The following GPR149 variants were observed in gnomAD, a reference collection of about 807,000 sequenced individuals.
GPR149 encodes probable G protein-coupled receptor 149.
GPR149 carries 50 observed loss-of-function variants against 50.2 expected under a neutral mutation model. That is an observed-to-expected ratio of 1.00 (90% confidence interval 0.79 to 1.26). The LOEUF is 1.26. Among genes scored for constraint, GPR149 ranks in the 50% most tolerant of loss-of-function variants. The pLI is 0.00. For synonymous variants in GPR149, 405 were observed against 358.2 expected, an observed-to-expected ratio of 1.13 and a Z score of -1.48; for missense variants, 983 against 895.4, an observed-to-expected ratio of 1.10 and a Z score of -1.25.
chr3:154,357,728 G>A (rs1714274539), intron 3 of GPR149, among the ~76,000 whole-genome samples: 1 of 152,236 alleles, frequency 6.6e-6, no homozygotes, highest in Admixed American at 6.5e-5. Context: ...GGAAGTCAGT[G>A]TGGCAATGGC....
chr3:154,408,208 G>C (rs546832753), intron 3 of GPR149, among the ~76,000 whole-genome samples: 28 of 152,314 alleles, frequency 1.8e-4, no homozygotes, highest in Admixed American at 1.3e-3. Flanking sequence ...GCAGATAGGA[G>C]GCAGGACTAG....
intron 3 of GPR149, among the ~76,000 whole-genome samples, chr3:154,390,993 A>G (rs1177818684): frequency 6.6e-6 from 1 of 152,132 alleles, no homozygotes; most frequent in Non-Finnish European, 1.5e-5. Context: ...AAGGAGAGAT[A>G]AAGACTTTCC....
intron 3 of GPR149, among the ~76,000 whole-genome samples, chr3:154,396,976 G>A (rs751063604): frequency 1.3e-5 from 2 of 151,946 alleles, no homozygotes; most frequent in Non-Finnish European, 2.9e-5. Context: ...ATGACCTTGA[G>A]TTTAAAATGT....
chr3:154,418,442 T>A, intron 3 of GPR149, among the ~76,000 whole-genome samples: 1 of 102,818 alleles, frequency 9.7e-6, no homozygotes, highest in Non-Finnish European at 2.0e-5. Context: ...TAGACTGGAT[T>A]AAGAAAATGT....
chr3:154,414,340 T>C (rs1711925862), intron 3 of GPR149, among the ~76,000 whole-genome samples: 1 of 151,988 alleles, frequency 6.6e-6, no homozygotes, highest in Non-Finnish European at 1.5e-5. Context: ...TAAAATGTGT[T>C]TATGTGCATC....
chr3:154,353,587 G>A, intron 3 of GPR149: 1 of 1,129,180 alleles, frequency 8.9e-7, no homozygotes, highest in South Asian at 1.3e-5. Flanking sequence ...ATTTGGCTTT[G>A]ATATGGTATT....
rs1029311686 is a variant in GPR149 at position 154,430,177 on chromosome 3, G to C, written c.-562C>G. 2.0e-5 allele frequency among the ~76,000 whole-genome samples: 3 copies of C among 151,952 alleles called. No homozygotes were observed. Among genetic ancestry groups the C allele is most frequent in the African/African-American group, 7.2e-5 (3 of 41,384 alleles). On this transcript the variant is annotated 5_prime_UTR_variant, in exon 1 of 4. Transcript: ENST00000389740. ...AGAGAGGGCGAGCGCGAGCCAGTCA[G>C]AGGGAGCTTGTGCACAGAATCCCAT...
chr3:154,351,982 T>A (rs553411256), intron 3 of GPR149, among the ~76,000 whole-genome samples: 1 of 152,302 alleles, frequency 6.6e-6, no homozygotes, highest in South Asian at 2.1e-4. Context: ...TGTTTATAGC[T>A]ATTCTTGTGA....
chr3:154,351,334 A>T (rs971685204), intron 3 of GPR149, among the ~76,000 whole-genome samples: 12 of 148,166 alleles, frequency 8.1e-5, no homozygotes, highest in South Asian at 2.1e-4. Context: ...AAAAAAAAAA[A>T]AAAAAAAAAA....
chr3:154,368,866 A>C (rs1180218149), intron 3 of GPR149, among the ~76,000 whole-genome samples: 1 of 152,204 alleles, frequency 6.6e-6, no homozygotes, highest in Non-Finnish European at 1.5e-5. Flanking sequence ...CTTAGCATGC[A>C]AGCATCAGTG....
intron 3 of GPR149, among the ~76,000 whole-genome samples, chr3:154,409,814 A>T (rs1438238406): frequency 1.3e-5 from 2 of 152,208 alleles, no homozygotes; most frequent in Non-Finnish European, 2.9e-5. Flanking sequence ...ATTTGAGGGA[A>T]TAATCCAGGA....
At chr3:154,376,041 A>G (rs1331103603) in intron 3 of GPR149, among the ~76,000 whole-genome samples, 1 of 152,174 alleles carries the variant, frequency 6.6e-6, no homozygotes, top group Non-Finnish European at 1.5e-5. Flanking sequence ...CAGCTTCTTC[A>G]TCTTCTAAAT....
In GPR149 at chr3:154,385,746, G is replaced by C. The variant is rs201728472; in HGVS notation, c.1623+35293C>G. The stretch of plus-strand genomic sequence containing the variant: ...ATAAGGAGTCTTGCTCTGTCGCCCA[G>C]GCTGGAGTGCAGTGGCGCCATCTTG... On this transcript the variant is annotated intron_variant, in intron 3 of 3. Transcript: ENST00000389740. Among the ~76,000 whole-genome samples the C allele has an allele frequency of 5.7e-4, 86 of 150,716 alleles. 1 individual carries two copies. The East Asian group carries it at 0.016, about 28-fold the overall frequency.
At chr3:154,399,261 C>A (rs1715364889) in intron 3 of GPR149, among the ~76,000 whole-genome samples, 1 of 152,144 alleles carries the variant, frequency 6.6e-6, no homozygotes, top group Non-Finnish European at 1.5e-5. Context: ...AGAGCTTACA[C>A]CTGTAATGTG....
intron 2 of GPR149, among the ~76,000 whole-genome samples, chr3:154,426,173 A>G (rs1269155524): frequency 6.6e-6 from 1 of 152,196 alleles, no homozygotes; most frequent in East Asian, 1.9e-4. Context: ...ATCTTTAGAG[A>G]CACATCATTA....
chr3:154,384,671 C>G (rs931440959), intron 3 of GPR149, among the ~76,000 whole-genome samples: 1 of 152,220 alleles, frequency 6.6e-6, no homozygotes, highest in Non-Finnish European at 1.5e-5. Flanking sequence ...AGAGCCTGCT[C>G]ACTGTTACAC....
chr3:154,344,398 T>G (rs951559873), intron 3 of GPR149, among the ~76,000 whole-genome samples: 1 of 152,164 alleles, frequency 6.6e-6, no homozygotes, highest in African/African-American at 2.4e-5. Flanking sequence ...AAAATGAACA[T>G]TAATTGAAAG....
At chr3:154,353,280 C>G in intron 3 of GPR149, 1 of 1,431,656 alleles carries the variant, frequency 7.0e-7, no homozygotes. Flanking sequence ...AGTCATTTAT[C>G]CAATAAGGTC....
chr3:154,348,495 T>A (rs1713986235), intron 3 of GPR149, among the ~76,000 whole-genome samples: 1 of 152,092 alleles, frequency 6.6e-6, no homozygotes, highest in Non-Finnish European at 1.5e-5. Flanking sequence ...CAAAAGAAAG[T>A]TATCAGAGAC....
Sources: gnomAD v4.1 joint callset for allele counts (sites outside exome capture counted in the v4.1 genomes callset) on GRCh38, gnomAD v4.1.1 for gene constraint, MANE v1.5 for transcripts, NCBI Gene and HGNC (gene_info 2026-07-23, HGNC 2026-07-21) for gene names.